Variants in MED13L observed in about 807,000 individuals in gnomAD.
The protein encoded by MED13L is mediator of RNA polymerase II transcription subunit 13-like.
In MED13L, 7 loss-of-function variants were observed where a neutral mutation model predicts 220.9. That is an observed-to-expected ratio of 0.03 (90% CI 0.02 to 0.06). MED13L has a LOEUF of 0.06. MED13L is among the 10% of genes least tolerant of loss of function. The probability of loss-of-function intolerance (pLI) is 1.00; values close to 1 mark genes in which losing one functional copy is unlikely to be tolerated. For synonymous variants in MED13L, 1,011 were observed against 1,015.2 expected (o/e 1.00, Z 0.08); for missense variants, 1,965 against 2,760.5 (o/e 0.71, Z 6.46).
chr12:116,147,067 G>A (rs1877588447), intron 2 of MED13L, among the ~76,000 whole-genome samples: 1 of 151,982 alleles, frequency 6.6e-6, no homozygotes, highest in African/African-American at 2.4e-5. Flanking sequence ...ATAGTCCAGG[G>A]CCCATTGCCT....
At chr12:116,047,250 A>C (rs1424758334) in intron 4 of MED13L, among the ~76,000 whole-genome samples, 1 of 152,138 alleles carries the variant, frequency 6.6e-6, no homozygotes, top group African/African-American at 2.4e-5. Flanking sequence ...GCTACTTGGG[A>C]GGCTGAGGTG....
chr12:115,995,049 T>C (rs114122423), intron 16 of MED13L, among the ~76,000 whole-genome samples: 2,056 of 152,308 alleles, frequency 0.013, 47 homozygotes, highest in African/African-American at 0.046. Context: ...CAAGTGTAGC[T>C]TCCTAAGTCT....
At chr12:116,023,296 C>CA (rs1193986865) in intron 4 of MED13L, among the ~76,000 whole-genome samples, 3 of 151,954 alleles carry the variant, frequency 2.0e-5, no homozygotes, top group Non-Finnish European at 4.4e-5. Context: ...ACCCCTGTCT[C>CA]AAAAAAAGTG....
At chr12:116,027,675 T>C (rs938121569) in intron 4 of MED13L, among the ~76,000 whole-genome samples, 1 of 152,134 alleles carries the variant, frequency 6.6e-6, no homozygotes, top group Non-Finnish European at 1.5e-5. Flanking sequence ...CCATGTGTCA[T>C]ATTTGGTGCT....
At chr12:116,111,723 A>G (rs917386574) in intron 2 of MED13L, among the ~76,000 whole-genome samples, 1 of 152,172 alleles carries the variant, frequency 6.6e-6, no homozygotes, top group Admixed American at 6.5e-5. Flanking sequence ...TCTTGGTTTT[A>G]AAGTCTGAAA....
rs1337743987 is a variant in MED13L, at chr12:116,019,315, T to C, written c.918A>G (p.Ala306=). 6.2e-7 allele frequency: 1 copy of C among 1,613,992 alleles called. No homozygotes were observed. Among genetic ancestry groups the C allele is most frequent in the Non-Finnish European group, 8.5e-7 (1 of 1,179,942 alleles). ...CACTACCAAGCCCTTGCTGCCCAAC[T>C]GCAATGTGGCCTCCAGCACTGGCAA... is the stretch of plus-strand genomic sequence containing the variant. ...QSVASAGGHI[A]VGQQGLGSVK... is the part of the protein sequence containing the mutation. The change falls in exon 7 of 31, where the codon GCA becomes GCG. Residue 306 remains alanine, a synonymous_variant. Transcript: ENST00000281928.
At chr12:116,060,543 A>G (rs1869370608) in intron 4 of MED13L, among the ~76,000 whole-genome samples, 1 of 148,936 alleles carries the variant, frequency 6.7e-6, no homozygotes, top group Non-Finnish European at 1.5e-5. Flanking sequence ...ATGCCACTGA[A>G]CTCTCCAGCC....
At chr12:116,210,956 A>T (rs1882660056) in intron 2 of MED13L, among the ~76,000 whole-genome samples, 1 of 152,186 alleles carries the variant, frequency 6.6e-6, no homozygotes, top group South Asian at 2.1e-4. Context: ...AGCCTGCAAA[A>T]AGGAACAAAA....
intron 4 of MED13L, among the ~76,000 whole-genome samples, chr12:116,083,136 G>C (rs1255403118): frequency 6.6e-6 from 1 of 152,096 alleles, no homozygotes; most frequent in Non-Finnish European, 1.5e-5. Context: ...GCCAGGCGTG[G>C]TGGCTCATAC....
intron 2 of MED13L, among the ~76,000 whole-genome samples, chr12:116,171,056 C>A (rs772968696): frequency 3.9e-5 from 6 of 152,222 alleles, no homozygotes; most frequent in Non-Finnish European, 8.8e-5. Flanking sequence ...ATCATCAGTA[C>A]AAATGTCAAC....
chr12:116,275,417 T>C (rs1326044785), intron 1 of MED13L, among the ~76,000 whole-genome samples: 2 of 152,212 alleles, frequency 1.3e-5, no homozygotes, highest in Admixed American at 1.3e-4. Context: ...TTTAAAAAAA[T>C]TTACCTGATT....
chr12:115,966,846 T>C (rs1436487030), intron 28 of MED13L, among the ~76,000 whole-genome samples: 1 of 152,224 alleles, frequency 6.6e-6, no homozygotes, highest in Non-Finnish European at 1.5e-5. Context: ...GTACCTTTCA[T>C]GCAAGCAATA....
chr12:116,051,250 C>A (rs938892584), intron 4 of MED13L, among the ~76,000 whole-genome samples: 1 of 151,866 alleles, frequency 6.6e-6, no homozygotes, highest in African/African-American at 2.4e-5. Context: ...GTGGCTCACA[C>A]CGAGATCCCA....
intron 28 of MED13L, among the ~76,000 whole-genome samples, chr12:115,967,053 C>G (rs1413916844): frequency 6.6e-6 from 1 of 151,490 alleles, no homozygotes; most frequent in Non-Finnish European, 1.5e-5. Flanking sequence ...CGCCTGTAAT[C>G]CCAGCTACTC....
chr12:116,259,016 G>C (rs1386913127), intron 1 of MED13L, among the ~76,000 whole-genome samples: 1 of 150,000 alleles, frequency 6.7e-6, no homozygotes, highest in Non-Finnish European at 1.5e-5. Context: ...CCATAGAAAT[G>C]TAAACTGACA....
intron 2 of MED13L, among the ~76,000 whole-genome samples, chr12:116,123,835 G>A (rs1214103209): frequency 1.3e-5 from 2 of 151,956 alleles, no homozygotes; most frequent in African/African-American, 4.8e-5. Flanking sequence ...ACTCTACGGC[G>A]TGACCGAGAG....
At chr12:116,161,250 A>C (rs1878832492) in intron 2 of MED13L, among the ~76,000 whole-genome samples, 1 of 152,154 alleles carries the variant, frequency 6.6e-6, no homozygotes, top group Non-Finnish European at 1.5e-5. Context: ...AACTTTGGAG[A>C]ACACATTCAA....
At chr12:116,100,857 T>G (rs1873011212) in intron 3 of MED13L, among the ~76,000 whole-genome samples, 1 of 152,086 alleles carries the variant, frequency 6.6e-6, no homozygotes, top group African/African-American at 2.4e-5. Flanking sequence ...GAGGCTGCAA[T>G]GAGCTGTGAT....
intron 4 of MED13L, among the ~76,000 whole-genome samples, chr12:116,075,943 T>C (rs1046677028): frequency 6.9e-5 from 10 of 145,078 alleles, no homozygotes; most frequent in African/African-American, 1.8e-4. Context: ...AGACGGAGTC[T>C]CGCTCTGTCG....
Sources: gnomAD v4.1 joint callset for allele counts (sites outside exome capture counted in the v4.1 genomes callset) on GRCh38, gnomAD v4.1.1 for gene constraint, MANE v1.5 for transcripts, NCBI Gene and HGNC (gene_info 2026-07-23, HGNC 2026-07-21) for gene names.